CDH12: variants seen among roughly 807,000 people sequenced by gnomAD.
CDH12 encodes cadherin 12, also known as cadherin-12.
In CDH12, 41 loss-of-function variants were observed where a neutral mutation model predicts 74.1. The observed-to-expected ratio is 0.55, with a 90% confidence interval of 0.43 to 0.72. The LOEUF is 0.72. Among genes scored for constraint, CDH12 ranks in the 30% least tolerant of loss-of-function variants. The pLI, the probability that CDH12 is intolerant of heterozygous loss-of-function variation, is 0.00. For synonymous variants in CDH12, 399 were observed against 355.0 expected, an observed-to-expected ratio of 1.12 and a Z score of -1.39; for missense variants, 945 against 977.2, an observed-to-expected ratio of 0.97 and a Z score of 0.44.
intron 1 of CDH12, among the ~76,000 whole-genome samples, chr5:22,529,053 A>T (rs1230361761): frequency 6.6e-6 from 1 of 151,176 alleles, no homozygotes; most frequent in African/African-American, 2.4e-5. Context: ...ATGCATATAC[A>T]TGTGTATATA....
intron 1 of CDH12, among the ~76,000 whole-genome samples, chr5:22,529,756 T>C (rs1737503373): frequency 6.6e-6 from 1 of 152,238 alleles, no homozygotes. Flanking sequence ...ATTAGAGACA[T>C]TGGCTATCTT....
chr5:21,774,450 C>T (rs1346305498), intron 11 of CDH12: 1 of 152,144 alleles, frequency 6.6e-6, no homozygotes, highest in Non-Finnish European at 1.5e-5. Flanking sequence ...GGGACTCCGA[C>T]TGGCTTCCTG....
At chr5:22,333,290 T>C (rs1739426037) in intron 3 of CDH12, among the ~76,000 whole-genome samples, 1 of 151,064 alleles carries the variant, frequency 6.6e-6, no homozygotes, top group African/African-American at 2.4e-5. Flanking sequence ...ACAACGAGGG[T>C]AACAACACAC....
chr5:22,149,463 A>G (rs1272305604), intron 4 of CDH12, among the ~76,000 whole-genome samples: 2 of 152,150 alleles, frequency 1.3e-5, no homozygotes, highest in African/African-American at 4.8e-5. Flanking sequence ...ACCCAATCTC[A>G]AGCCATCCTT....
intron 2 of CDH12, among the ~76,000 whole-genome samples, chr5:22,463,852 C>T (rs780241985): frequency 6.6e-6 from 1 of 152,054 alleles, no homozygotes; most frequent in Non-Finnish European, 1.5e-5. Flanking sequence ...AGAATGCTTA[C>T]CCTTTAGAAA....
intron 8 of CDH12, among the ~76,000 whole-genome samples, chr5:21,820,845 C>A (rs1227001592): frequency 6.6e-6 from 1 of 151,928 alleles, no homozygotes; most frequent in Non-Finnish European, 1.5e-5. Context: ...CCACCGTCTT[C>A]CAGGCGTCCT....
At chr5:22,271,861 T>C (rs560308353) in intron 3 of CDH12, among the ~76,000 whole-genome samples, 2 of 152,190 alleles carry the variant, frequency 1.3e-5, no homozygotes, top group African/African-American at 4.8e-5. Flanking sequence ...TTATAAACAA[T>C]CATGCTATCA....
In CDH12 at chr5:21,819,137, A is replaced by G. The variant is rs372268126; in HGVS notation, c.815-2005T>C. On this transcript the variant is annotated intron_variant, in intron 8 of 14. Coordinates refer to ENST00000382254, the MANE Select transcript of CDH12 (RefSeq NM_004061.5). ...GGATAAAGCCAGATATTCAGGAGGA[A>G]TCTATCTGATTTCAAATAGCCTTAA... is the stretch of plus-strand genomic sequence containing the variant. Among the ~76,000 whole-genome samples, 2 of 151,988 alleles carry G rather than the reference A, an allele frequency of 1.3e-5. 1 individual carries two copies. Among genetic ancestry groups the G allele is most frequent in the South Asian group, 4.1e-4 (2 of 4,836 alleles).
chr5:22,062,632 C>G (rs185128011), intron 5 of CDH12, among the ~76,000 whole-genome samples: 3 of 152,228 alleles, frequency 2.0e-5, no homozygotes, highest in African/African-American at 7.2e-5. Context: ...AGAAACAAAG[C>G]TTTGATTTAG....
intron 3 of CDH12, among the ~76,000 whole-genome samples, chr5:22,265,253 A>G (rs756224002): frequency 2.6e-5 from 4 of 152,204 alleles, no homozygotes; most frequent in South Asian, 2.1e-4. Context: ...AAAAAATTGG[A>G]AATAGCAGAA....
intron 1 of CDH12, among the ~76,000 whole-genome samples, chr5:22,662,622 G>T (rs1418810512): frequency 6.6e-6 from 1 of 152,166 alleles, no homozygotes; most frequent in East Asian, 1.9e-4. Context: ...TATGGCAACG[G>T]CATAAAGCCA....
chr5:22,297,665 T>G (rs145669164), intron 3 of CDH12, among the ~76,000 whole-genome samples: 1 of 152,302 alleles, frequency 6.6e-6, no homozygotes, highest in African/African-American at 2.4e-5. Flanking sequence ...GTACATTCAA[T>G]GGGATTAAAA....
At chr5:22,552,553 C>T (rs562302004) in intron 1 of CDH12, among the ~76,000 whole-genome samples, 2 of 151,828 alleles carry the variant, frequency 1.3e-5, no homozygotes, top group Non-Finnish European at 2.9e-5. Flanking sequence ...CTCAGCCTCC[C>T]GTATAGCTGG....
intron 3 of CDH12, among the ~76,000 whole-genome samples, chr5:22,293,631 C>T (rs1361265383): frequency 2.6e-5 from 4 of 152,036 alleles, no homozygotes; most frequent in South Asian, 4.1e-4. Flanking sequence ...TACACACACA[C>T]ACACACATAC....
At chr5:22,121,165 C>T (rs1745492389) in intron 4 of CDH12, among the ~76,000 whole-genome samples, 1 of 151,998 alleles carries the variant, frequency 6.6e-6, no homozygotes, top group Admixed American at 6.6e-5. Context: ...AGGCAATTCT[C>T]CATGGGTATC....
chr5:22,340,921 A>T (rs578130419), intron 3 of CDH12, among the ~76,000 whole-genome samples: 2 of 152,350 alleles, frequency 1.3e-5, no homozygotes, highest in African/African-American at 4.8e-5. Context: ...CTGTGTTCTT[A>T]GTAGTCACAT....
chr5:22,401,648 T>A (rs1269685223), intron 3 of CDH12, among the ~76,000 whole-genome samples: 1 of 152,162 alleles, frequency 6.6e-6, no homozygotes, highest in African/African-American at 2.4e-5. Context: ...TAATAATGTA[T>A]AGAGTTGAAT....
intron 2 of CDH12, among the ~76,000 whole-genome samples, chr5:22,432,036 C>A (rs1248188670): frequency 6.6e-6 from 1 of 152,138 alleles, no homozygotes; most frequent in African/African-American, 2.4e-5. Flanking sequence ...GGCGTTCAAA[C>A]TCATGGTGAG....
intron 12 of CDH12, among the ~76,000 whole-genome samples, chr5:21,762,456 A>C (rs1047099256): frequency 1.3e-5 from 2 of 152,140 alleles, no homozygotes; most frequent in Non-Finnish European, 2.9e-5. Flanking sequence ...TAGTTCTTAG[A>C]CTAGGGGCAG....
Sources: gnomAD v4.1 joint callset for allele counts (sites outside exome capture counted in the v4.1 genomes callset) on GRCh38, gnomAD v4.1.1 for gene constraint, MANE v1.5 for transcripts, NCBI Gene and HGNC (gene_info 2026-07-23, HGNC 2026-07-21) for gene names.